Variants in RELN observed in about 807,000 individuals in gnomAD.
The protein encoded by RELN is reelin.
In RELN, 108 loss-of-function variants were observed where a neutral mutation model predicts 427.6. The observed-to-expected ratio is 0.25, with a 90% CI of 0.22 to 0.30. RELN has a LOEUF of 0.30. RELN is among the 10% of genes least tolerant of loss of function. The pLI, the probability that RELN is intolerant of heterozygous loss-of-function variation, is 1.00. For synonymous variants in RELN, 1,524 were observed against 1,513.4 expected (o/e 1.01, Z -0.16); for missense variants, 3,715 against 4,302.8 (o/e 0.86, Z 3.82).
At chr7:103,717,174 A>C (rs1031630921) in intron 8 of RELN, among the ~76,000 whole-genome samples, 1 of 151,886 alleles carries the variant, frequency 6.6e-6, no homozygotes, top group African/African-American at 2.4e-5. Flanking sequence ...AATCTCAACA[A>C]TCTTTGCCAG....
At chr7:103,851,841 A>G (rs1793829466) in intron 2 of RELN, among the ~76,000 whole-genome samples, 1 of 152,206 alleles carries the variant, frequency 6.6e-6, no homozygotes, top group African/African-American at 2.4e-5. Context: ...ATTCAATCGG[A>G]TATTAGCAGA....
At chr7:103,884,203 C>T (rs900998445) in intron 2 of RELN, among the ~76,000 whole-genome samples, 6 of 151,994 alleles carry the variant, frequency 3.9e-5, no homozygotes, top group East Asian at 1.9e-4. Context: ...ATTTAATAAA[C>T]GTCATTGGAA....
intron 2 of RELN, among the ~76,000 whole-genome samples, chr7:103,846,556 C>T (rs1420169764): frequency 6.6e-6 from 1 of 152,164 alleles, no homozygotes; most frequent in East Asian, 1.9e-4. Context: ...GCAACGGCAA[C>T]AAAAGCCAAA....
chr7:103,685,291 T>C (rs924034416), intron 10 of RELN, among the ~76,000 whole-genome samples: 5 of 152,188 alleles, frequency 3.3e-5, no homozygotes, highest in African/African-American at 1.2e-4. Flanking sequence ...CTATCATTTA[T>C]ATGCAATAAC....
intron 1 of RELN, among the ~76,000 whole-genome samples, chr7:103,974,231 G>T (rs1401656698): frequency 6.6e-6 from 1 of 152,178 alleles, no homozygotes. Context: ...ACTCACTGAA[G>T]ATCCAAAACA....
chr7:103,483,238 G>C (rs1039594261), intron 62 of RELN, among the ~76,000 whole-genome samples: 1 of 152,144 alleles, frequency 6.6e-6, no homozygotes, highest in Non-Finnish European at 1.5e-5. Flanking sequence ...AGCATGGAGT[G>C]CTTTCTGTGT....
intron 4 of RELN, among the ~76,000 whole-genome samples, chr7:103,765,217 T>C (rs1364031694): frequency 1.3e-5 from 2 of 152,188 alleles, no homozygotes; most frequent in Admixed American, 1.3e-4. Context: ...CGGAAGACAT[T>C]GAAGCTATCA....
At chr7:103,669,004 C>T (rs1317493468) in intron 11 of RELN, among the ~76,000 whole-genome samples, 5 of 152,114 alleles carry the variant, frequency 3.3e-5, no homozygotes, top group South Asian at 4.2e-4. Context: ...TTTTATTTGT[C>T]GTAAATGAAA....
In RELN at chr7:103,989,352, T is replaced by C. The variant is rs751188993; in HGVS notation, c.5A>G (p.Glu2Gly). 2 of 1,342,236 alleles carry C rather than the reference T, an allele frequency of 1.5e-6. No homozygotes were observed. Among genetic ancestry groups the C allele is most frequent in the East Asian group, 6.5e-5 (2 of 30,994 alleles). 83.1% of individuals were successfully genotyped at this position (1,342,236 alleles called of 1,614,324 possible). M[E>G]RSGWARQTFL... is the part of the protein sequence containing the mutation. The stretch of plus-strand genomic sequence containing the variant: ...AGTCTGCCGGGCCCAGCCACTGCGC[T>C]CCATGCCGCCGCCGCCGCCGCCGCC... Residue 2 changes from glutamate to glycine, a missense_variant, in exon 1 of 65, where the codon GAG becomes GGG. Transcript: ENST00000428762. The surrounding 1 kb of genome is among the most constrained non-coding windows in gnomAD (Gnocchi z 4.9).
At chr7:103,505,925 C>T (rs1002946169) in intron 51 of RELN, among the ~76,000 whole-genome samples, 5 of 152,092 alleles carry the variant, frequency 3.3e-5, no homozygotes, top group South Asian at 2.1e-4. Flanking sequence ...AAACACAGCA[C>T]GAGAACTTCG....
At chr7:103,477,434 T>C (rs1227748435) in intron 64 of RELN, among the ~76,000 whole-genome samples, 1 of 152,228 alleles carries the variant, frequency 6.6e-6, no homozygotes, top group African/African-American at 2.4e-5. Context: ...GAACAAATAA[T>C]GATTTATATG....
chr7:103,712,693 T>A (rs1009765061), intron 8 of RELN, among the ~76,000 whole-genome samples: 1 of 152,236 alleles, frequency 6.6e-6, no homozygotes, highest in Non-Finnish European at 1.5e-5. Context: ...TCAGCTCATG[T>A]CAAACTTTGC....
chr7:103,950,772 CA>C (rs1441221948), intron 1 of RELN, among the ~76,000 whole-genome samples: 1 of 152,030 alleles, frequency 6.6e-6, no homozygotes, highest in Non-Finnish European at 1.5e-5. Context: ...ATTTCCTTTC[CA>C]ATGTTGGATA....
At chr7:103,500,059 T>C (rs78532606) in intron 53 of RELN, among the ~76,000 whole-genome samples, 2,314 of 152,320 alleles carry the variant, frequency 0.015, 57 homozygotes, top group African/African-American at 0.053. Flanking sequence ...GACTCTCATA[T>C]GTTGGATTTC....
intron 20 of RELN, among the ~76,000 whole-genome samples, chr7:103,614,575 T>C (rs538624364): frequency 1.3e-5 from 2 of 151,118 alleles, no homozygotes; most frequent in South Asian, 4.1e-4. Flanking sequence ...CTGCTGAGAC[T>C]GTGGAACAGA....
chr7:103,590,821 A>G (rs901848586), intron 27 of RELN, among the ~76,000 whole-genome samples: 3 of 152,184 alleles, frequency 2.0e-5, no homozygotes, highest in African/African-American at 7.2e-5. Context: ...TCTGATCTTT[A>G]TAGGGAAGCT....
At chr7:103,485,748 C>G (rs1365575833) in intron 61 of RELN, among the ~76,000 whole-genome samples, 1 of 99,306 alleles carries the variant, frequency 1.0e-5, no homozygotes, top group African/African-American at 5.0e-5. Flanking sequence ...TCTTATCCAT[C>G]CAACCATCCA....
At chr7:103,521,800 A>G (rs973580396) in intron 48 of RELN, among the ~76,000 whole-genome samples, 1 of 152,246 alleles carries the variant, frequency 6.6e-6, no homozygotes, top group Non-Finnish European at 1.5e-5. Flanking sequence ...CATAGCATAA[A>G]GTTATACTAT....
At chr7:103,882,909 AG>A (rs745663417) in intron 2 of RELN, among the ~76,000 whole-genome samples, 5 of 152,188 alleles carry the variant, frequency 3.3e-5, no homozygotes, top group Non-Finnish European at 7.3e-5. Flanking sequence ...CAAAAGAAAA[AG>A]AGGGACTCCT....
Sources: allele counts gnomAD v4.1 joint callset (sites outside exome capture counted in the v4.1 genomes callset), GRCh38; gene constraint gnomAD v4.1.1; non-coding constraint Gnocchi (gnomAD v3.1); transcripts MANE v1.5; gene names NCBI Gene and HGNC (gene_info 2026-07-23, HGNC 2026-07-21).